Variants in CCDC122 observed in about 807,000 individuals in gnomAD.
CCDC122 encodes the protein coiled-coil domain-containing protein 122.
Under a neutral mutation model 37.0 loss-of-function variants are expected in CCDC122, and 38 were observed. The observed-to-expected ratio is 1.03, with a 90% CI of 0.79 to 1.35. The LOEUF (loss-of-function observed/expected upper bound fraction) is 1.35, where lower values mean the gene tolerates loss of function less well. Among genes scored for constraint, CCDC122 ranks in the 40% most tolerant of loss-of-function variants. The pLI is 0.00. For synonymous variants in CCDC122, 83 were observed against 95.6 expected (o/e 0.87, Z 0.77); for missense variants, 305 against 310.0 (o/e 0.98, Z 0.12).
intron 6 of CCDC122, among the ~76,000 whole-genome samples, chr13:43,838,267 A>G (rs1043088916): frequency 3.9e-5 from 6 of 152,214 alleles, no homozygotes; most frequent in African/African-American, 1.4e-4. Flanking sequence ...ATCAGTTAAG[A>G]AAAATGGTTC....
intron 6 of CCDC122, among the ~76,000 whole-genome samples, chr13:43,847,216 TA>T (rs975901656): frequency 6.6e-6 from 1 of 152,136 alleles, no homozygotes; most frequent in Non-Finnish European, 1.5e-5. Flanking sequence ...ATAAGTAAAT[TA>T]GTTGCAAAAT....
In CCDC122 at chr13:43,840,606, T is replaced by G. The variant is rs192483698; in HGVS notation, c.673-3177A>C. Among the ~76,000 whole-genome samples the G allele has an allele frequency of 3.5e-3, 526 of 152,142 alleles. 1 individual carries two copies. The highest frequency in any genetic ancestry group is 0.024 in the Middle Eastern group (7 of 292). ...GTGTCCATGTGTTCTCATTGTTCAA[T>G]TCCCACCTAGGAGTGAGAACATGCG... On this transcript the variant is annotated intron_variant, in intron 6 of 6. Coordinates refer to ENST00000444614, the MANE Select transcript of CCDC122 (RefSeq NM_144974.5).
intron 4 of CCDC122, among the ~76,000 whole-genome samples, chr13:43,861,005 G>A (rs1203366061): frequency 6.6e-6 from 1 of 152,192 alleles, no homozygotes; most frequent in African/African-American, 2.4e-5. Context: ...ACTAGGAGCA[G>A]CTGAGGTTGG....
intron 6 of CCDC122, chr13:43,858,391 A>C (rs1013694027): frequency 1.3e-5 from 2 of 152,244 alleles, no homozygotes; most frequent in Non-Finnish European, 2.9e-5. Flanking sequence ...AGAGGTTTGG[A>C]AAGACGATGC....
Position 43,859,925 on chromosome 13 carries a change from T to C in CCDC122, c.302A>G (p.His101Arg). The change falls in exon 5 of 7, where the codon CAT (histidine) becomes CGT (arginine). Residue 101 changes from histidine to arginine, a missense_variant. By Grantham distance (29) the His-to-Arg change is conservative. Transcript: ENST00000444614. ...AAATTTAAGCTTTACATTTTCTGAATGTAAGGATTTGATTTGAGTTTCCAG... is the reference window on the plus strand; with the variant it reads ...AAATTTAAGCTTTACATTTTCTGAACGTAAGGATTTGATTTGAGTTTCCAG... ...DSLETQIKSLHSENVKLKFDI... is the reference protein window; with the variant it reads ...DSLETQIKSLRSENVKLKFDI... 2 of 1,610,748 alleles carry C rather than the reference T, an allele frequency of 1.2e-6. No homozygotes were observed. The highest frequency in any genetic ancestry group is 1.1e-5 in the South Asian group (1 of 90,368).
intron 2 of CCDC122, among the ~76,000 whole-genome samples, chr13:43,871,861 C>CTATA (rs932166137): frequency 6.6e-6 from 1 of 152,056 alleles, no homozygotes; most frequent in Admixed American, 6.6e-5. Context: ...AGGCCATAGA[C>CTATA]TATATAGGCT....
At chr13:43,862,778 A>G (rs756836434) in intron 4 of CCDC122, among the ~76,000 whole-genome samples, 15 of 152,204 alleles carry the variant, frequency 9.9e-5, no homozygotes, top group Non-Finnish European at 1.2e-4. Flanking sequence ...CTATTGGTCA[A>G]TAGAAGAAGT....
chr13:43,851,952 G>GA (rs143765082), intron 6 of CCDC122, among the ~76,000 whole-genome samples: 1,747 of 147,262 alleles, frequency 0.012, 26 homozygotes, highest in East Asian at 0.062. Flanking sequence ...TAGGATAAAA[G>GA]AAAAAAAAAA....
At chr13:43,836,286 TAGTG>T (rs555622884), downstream of CCDC122, 44 of 152,414 alleles carry the variant, frequency 2.9e-4, no homozygotes, top group South Asian at 7.9e-3. Flanking sequence ...TGTTAGTCTA[TAGTG>T]AGTAATACTC....
downstream of CCDC122, among the ~76,000 whole-genome samples, chr13:43,821,813 C>G (rs1366381716): frequency 6.6e-6 from 1 of 152,210 alleles, no homozygotes; most frequent in East Asian, 1.9e-4. Context: ...TTTTTCAACT[C>G]TAGAATTTCT....
downstream of CCDC122, among the ~76,000 whole-genome samples, chr13:43,835,623 T>C (rs1030623422): frequency 6.6e-5 from 10 of 152,204 alleles, no homozygotes; most frequent in Non-Finnish European, 1.0e-4. Context: ...GCTATTTTCT[T>C]CATATCTGAA....
At chr13:43,858,169 T>C (rs912370118) in intron 6 of CCDC122, 1 of 152,202 alleles carries the variant, frequency 6.6e-6, no homozygotes, top group Non-Finnish European at 1.5e-5. Flanking sequence ...TGCATATTTT[T>C]ATTTTCCAAA....
Position 43,869,395 on chromosome 13 carries a change from CT to C in CCDC122, c.-20del, listed in dbSNP as rs762138887. The C allele has an allele frequency of 1.3e-5, 21 of 1,595,802 alleles. No homozygotes were observed. Among genetic ancestry groups the C allele is most frequent in the Non-Finnish European group, 1.8e-5 (21 of 1,168,860 alleles). On this transcript the variant is annotated 5_prime_UTR_variant, in exon 3 of 7. Transcript: ENST00000444614. The stretch of plus-strand genomic sequence containing the variant: ...CTGACATTTTCTGTGTCTGTAATCT[CT>C]TTTCCCCTTTTTGATTTACCTTCTT...
Position 43,837,391 on chromosome 13 carries a change from C to A in CCDC122, c.711G>T (p.Leu237Phe). The A allele has an allele frequency of 6.2e-7, 1 of 1,614,004 alleles. No individual in the cohort carries two copies. Among genetic ancestry groups the A allele is most frequent in the Non-Finnish European group, 8.5e-7 (1 of 1,179,972 alleles). Reference sequence around the variant, plus strand: ...ACTGAAGCTTGTTCACCTGACAATGCAAACGCTTAAGAATTGCATCATACC... The same window carrying A: ...ACTGAAGCTTGTTCACCTGACAATGAAAACGCTTAAGAATTGCATCATACC... ...HKRYDAILKR[L>F]HCQVNKLQSN... The change falls in exon 7 of 7, where the codon TTG becomes TTT. Residue 237 changes from leucine (L) to phenylalanine (F), a missense_variant. Physicochemically the swap from Leu to Phe is conservative, Grantham distance 22 (BLOSUM62 0). Transcript: ENST00000444614.
intron 5 of CCDC122, among the ~76,000 whole-genome samples, chr13:43,859,386 C>T (rs1357409832): frequency 1.3e-5 from 2 of 152,088 alleles, no homozygotes; most frequent in Admixed American, 6.5e-5. Flanking sequence ...ATTACATTTT[C>T]TACAACAAAT....
At chr13:43,834,248 C>T (rs1035209046), downstream of CCDC122, among the ~76,000 whole-genome samples, 1 of 152,150 alleles carries the variant, frequency 6.6e-6, no homozygotes, top group African/African-American at 2.4e-5. Flanking sequence ...GGAAAACTGC[C>T]TAGCCATATG....
intron 6 of CCDC122, among the ~76,000 whole-genome samples, chr13:43,841,090 G>A (rs1302474574): frequency 6.6e-6 from 1 of 152,192 alleles, no homozygotes; most frequent in East Asian, 1.9e-4. Flanking sequence ...AGGACAGTGG[G>A]TGCAGTGCAC....
intron 6 of CCDC122, among the ~76,000 whole-genome samples, chr13:43,847,157 C>T (rs562549628): frequency 5.9e-5 from 9 of 152,218 alleles, no homozygotes; most frequent in East Asian, 5.8e-4. Flanking sequence ...AAAATAATTA[C>T]GTAGGCCAAT....
chr13:43,868,901 T>A, intron 3 of CCDC122, 98 bp from the exon 4 acceptor site: 1 of 615,930 alleles, frequency 1.6e-6, no homozygotes, highest in Middle Eastern at 4.6e-4. Flanking sequence ...AAATATTTGA[T>A]ACTTTTTCCT....
Sources: gnomAD v4.1 joint callset for allele counts (sites outside exome capture counted in the v4.1 genomes callset) on GRCh38, gnomAD v4.1.1 for gene constraint, MANE v1.5 for transcripts, NCBI Gene and HGNC (gene_info 2026-07-23, HGNC 2026-07-21) for gene names.